Variants in GTF2A1L observed in about 807,000 individuals in gnomAD.
GTF2A1L encodes TFIIA-alpha and beta-like factor.
Under a neutral mutation model 49.7 loss-of-function variants are expected in GTF2A1L, and 48 were observed. The observed-to-expected ratio is 0.97, with a 90% confidence interval of 0.77 to 1.23. The LOEUF (loss-of-function observed/expected upper bound fraction) is 1.23, where lower values mean the gene tolerates loss of function less well. Ranked by LOEUF, GTF2A1L falls within the 50% of genes most tolerant of loss-of-function variation. The probability of loss-of-function intolerance (pLI) is 0.00; values close to 1 mark genes in which losing one functional copy is unlikely to be tolerated. For synonymous variants in GTF2A1L, 246 were observed against 193.5 expected (o/e 1.27, Z -2.25); for missense variants, 736 against 564.8 (o/e 1.30, Z -3.07).
chr2:48,671,200 T>C (rs1430629595), intron 7 of GTF2A1L, among the ~76,000 whole-genome samples: 1 of 151,904 alleles, frequency 6.6e-6, no homozygotes, highest in Non-Finnish European at 1.5e-5. Flanking sequence ...TATTTCTTTG[T>C]TTTGTTTTGG....
intron 3 of GTF2A1L, among the ~76,000 whole-genome samples, chr2:48,626,219 TG>T (rs1471863257): frequency 6.9e-6 from 1 of 144,046 alleles, no homozygotes; most frequent in Non-Finnish European, 1.6e-5. Context: ...TATACTGTTC[TG>T]CTGGTCTTTG....
chr2:48,669,290 C>T (rs998832910), intron 6 of GTF2A1L, among the ~76,000 whole-genome samples: 1 of 152,136 alleles, frequency 6.6e-6, no homozygotes, highest in Admixed American at 6.5e-5. Context: ...ATTTGTCCTT[C>T]TGTGTTTGGC....
intron 8 of GTF2A1L, among the ~76,000 whole-genome samples, chr2:48,675,689 A>G (rs974404888): frequency 2.0e-5 from 3 of 152,022 alleles, no homozygotes; most frequent in African/African-American, 7.2e-5. Context: ...GACACTATTT[A>G]TAGTGGAATG....
chr2:48,659,114 T>TTA (rs953002126), intron 6 of GTF2A1L, among the ~76,000 whole-genome samples: 3 of 152,096 alleles, frequency 2.0e-5, no homozygotes, highest in South Asian at 2.1e-4. Context: ...CTAGTTGCCT[T>TTA]TATATATATA....
chr2:48,662,288 A>T (rs973408591), intron 6 of GTF2A1L, among the ~76,000 whole-genome samples: 6 of 152,250 alleles, frequency 3.9e-5, no homozygotes, highest in African/African-American at 7.2e-5. Flanking sequence ...AAAATCAATT[A>T]TAAACTAAAA....
rs770674679 is a variant in GTF2A1L, at chr2:48,620,868, T to G, written c.39T>G (p.Ser13=). ...CLNPVPKLYR[S]VIEDVIEGVR... ...TTATGTAGCCTAAACTCTACAGATC[T>G]GTAATTGAAGATGTAATTGAAGGAG... Residue 13 remains serine (S), a synonymous_variant, in exon 2 of 9, where the codon TCT becomes TCG. Coordinates refer to ENST00000403751, the MANE Select transcript of GTF2A1L (RefSeq NM_006872.5). 1.3e-6 allele frequency: 2 copies of G among 1,584,486 alleles called. No homozygotes were observed. Among genetic ancestry groups the G allele is most frequent in the South Asian group, 1.2e-5 (1 of 84,722 alleles).
chr2:48,671,773 C>T (rs1299446087), intron 8 of GTF2A1L, 93 bp downstream of exon 8: 2 of 1,215,430 alleles, frequency 1.6e-6, no homozygotes, highest in Non-Finnish European at 2.3e-6. Flanking sequence ...AAGAGTTACA[C>T]TTCACAATTA....
Position 48,679,537 on chromosome 2 carries a change from A to T in GTF2A1L, c.*95A>T. On this transcript the variant is annotated 3_prime_UTR_variant, in exon 9 of 9. Coordinates refer to ENST00000403751, the MANE Select transcript of GTF2A1L (RefSeq NM_006872.5). ...TTATTTTGAATATAGTCCAGCACAG[A>T]GCTGTTCAAATTTTTAGTTCACTGT... 5 of 1,511,704 alleles carry T rather than the reference A, an allele frequency of 3.3e-6. No individual in the cohort carries two copies. The South Asian group carries it at 5.4e-5, about 16-fold the overall frequency. 93.6% of individuals were successfully genotyped at this position (1,511,704 alleles called of 1,614,324 possible).
At chr2:48,636,592 A>G (rs1008696786) in intron 3 of GTF2A1L, among the ~76,000 whole-genome samples, 2 of 152,222 alleles carry the variant, frequency 1.3e-5, no homozygotes, top group African/African-American at 4.8e-5. Flanking sequence ...AAAATACTAA[A>G]TGAGAAAAAG....
intron 6 of GTF2A1L, among the ~76,000 whole-genome samples, chr2:48,652,809 C>G (rs1356373704): frequency 6.6e-6 from 1 of 150,724 alleles, no homozygotes; most frequent in African/African-American, 2.4e-5. Flanking sequence ...ATTCTTCTGC[C>G]TCAGCGTCTC....
intron 8 of GTF2A1L, among the ~76,000 whole-genome samples, chr2:48,672,734 T>C (rs1679239494): frequency 6.6e-6 from 1 of 152,228 alleles, no homozygotes; most frequent in Admixed American, 6.5e-5. Context: ...GGAGTTTTTG[T>C]CCTTAATTCA....
In GTF2A1L at chr2:48,661,247, C is replaced by CTTTTTTTT. The variant is rs70946820; in HGVS notation, c.979-8454_979-8447dup. ...CCATTGTTTTCACTGCATCCCCAAA[C>CTTTTTTTT]TTTTTTTTTTTTTTTTTTTTTTTTT... On this transcript the variant is annotated intron_variant, in intron 6 of 8. Coordinates refer to ENST00000403751, the MANE Select transcript of GTF2A1L (RefSeq NM_006872.5). 3.0e-4 allele frequency among the ~76,000 whole-genome samples: 19 copies of CTTTTTTTT among 62,744 alleles called. 5 individuals are homozygous for CTTTTTTTT. Among genetic ancestry groups the CTTTTTTTT allele is most frequent in the South Asian group, 1.7e-3 (2 of 1,172 alleles). 41.2% of individuals were successfully genotyped at this position (62,744 alleles called of 152,430 possible).
chr2:48,625,780 G>T (rs1676258955), intron 3 of GTF2A1L, among the ~76,000 whole-genome samples: 1 of 142,840 alleles, frequency 7.0e-6, no homozygotes, highest in African/African-American at 2.5e-5. Context: ...ACCAGGTTTT[G>T]CTGTGTCGTC....
chr2:48,671,498 C>A, intron 7 of GTF2A1L, 93 bp from the exon 8 acceptor site: 1 of 1,334,788 alleles, frequency 7.5e-7, no homozygotes, highest in South Asian at 1.6e-5. Context: ...GCCACCACGC[C>A]GAGACAAGTT....
At chr2:48,640,359 C>T (rs1200473691) in intron 3 of GTF2A1L, among the ~76,000 whole-genome samples, 1 of 152,062 alleles carries the variant, frequency 6.6e-6, no homozygotes, top group African/African-American at 2.4e-5. Context: ...ACTATGCAGC[C>T]ATAAAAAAGA....
At chr2:48,661,015 C>CT (rs1381442795) in intron 6 of GTF2A1L, among the ~76,000 whole-genome samples, 2 of 152,054 alleles carry the variant, frequency 1.3e-5, no homozygotes, top group Admixed American at 1.3e-4. Context: ...TTTTATTGAT[C>CT]TTTTTGAAGA....
intron 4 of GTF2A1L, 136 bp downstream of exon 4, chr2:48,642,593 G>A (rs1424566606): frequency 1.8e-5 from 13 of 725,558 alleles, no homozygotes; most frequent in African/African-American, 7.2e-5. Context: ...GGTGGCTCAC[G>A]CCTGTAATTC....
intron 3 of GTF2A1L, among the ~76,000 whole-genome samples, chr2:48,642,099 A>C (rs544681762): frequency 4.6e-5 from 7 of 152,316 alleles, no homozygotes; most frequent in Middle Eastern, 3.4e-3. Flanking sequence ...TATTTAATAA[A>C]TATTACTTGA....
chr2:48,630,511 C>G (rs1215279540), intron 3 of GTF2A1L, among the ~76,000 whole-genome samples: 2 of 144,072 alleles, frequency 1.4e-5, no homozygotes, highest in African/African-American at 2.5e-5. Context: ...TTCTAAGAGT[C>G]TTTTGGTGAA....
Sources: allele counts gnomAD v4.1 joint callset (sites outside exome capture counted in the v4.1 genomes callset), GRCh38; gene constraint gnomAD v4.1.1; transcripts MANE v1.5; gene names NCBI Gene and HGNC (gene_info 2026-07-23, HGNC 2026-07-21).